Variants in ALG5 observed in about 807,000 individuals in gnomAD.
ALG5 encodes the protein ALG5 dolichyl-phosphate beta-glucosyltransferase, also known as dolichyl-phosphate beta-glucosyltransferase.
Under a neutral mutation model 51.8 loss-of-function variants are expected in ALG5, and 26 were observed. The observed-to-expected ratio is 0.50, with a 90% CI of 0.37 to 0.70. The LOEUF (loss-of-function observed/expected upper bound fraction) is 0.70. ALG5 is among the 30% of genes least tolerant of loss of function. The probability of loss-of-function intolerance (pLI) is 0.00; values close to 1 mark genes in which losing one functional copy is unlikely to be tolerated. For synonymous variants in ALG5, 141 were observed against 136.1 expected, an observed-to-expected ratio of 1.04 and a Z score of -0.25; for missense variants, 311 against 399.3, an observed-to-expected ratio of 0.78 and a Z score of 1.88.
At chr13:36,953,810 C>T (rs2138777655) in intron 8 of ALG5, among the ~76,000 whole-genome samples, 1 of 152,038 alleles carries the variant, frequency 6.6e-6, no homozygotes, top group Non-Finnish European at 1.5e-5. Context: ...AACTTTCGTC[C>T]CCTAGAATTG....
At chr13:36,967,044 G>A (rs939317426) in intron 7 of ALG5, among the ~76,000 whole-genome samples, 16 of 151,934 alleles carry the variant, frequency 1.1e-4, no homozygotes, top group Admixed American at 1.3e-4. Context: ...CCAACATGGC[G>A]AAACCCCATC....
Position 36,999,250 on chromosome 13 carries a change from G to GGCCGCCAGCGCCGCGCCGAGC in ALG5, c.30_50dup (p.Leu11_Ala17dup), listed in dbSNP as rs1451168739. ...CTGTTCTCACCAGTACGAGGGCTGC[G>GGCCGCCAGCGCCGCGCCGAGC]GCCGCCAGCGCCGCGCCGAGCACCG... is the stretch of plus-strand genomic sequence containing the variant. On this transcript the variant is annotated inframe_insertion, in exon 1 of 10. Transcript: ENST00000239891. 8 of 1,580,548 alleles carry GGCCGCCAGCGCCGCGCCGAGC rather than the reference G, an allele frequency of 5.1e-6. No individual in the cohort carries two copies. The African/African-American group carries it at 1.1e-4, about 22-fold the overall frequency.
Position 36,960,752 on chromosome 13 carries a change from C to T in ALG5, c.773+4823G>A, listed in dbSNP as rs998603164. ...CACCTCCCGGGTTCAAGTGATTCTT[C>T]TGCCTCAGTGCCCTGAGTAGCTAGG... On this transcript the variant is annotated intron_variant, in intron 8 of 9. Transcript: ENST00000239891. Among the ~76,000 whole-genome samples the T allele has an allele frequency of 4.6e-5, 7 of 150,816 alleles. No individual in the cohort carries two copies. In the East Asian group the frequency reaches 1.2e-3, roughly 25 times the overall value.
At chr13:36,973,249 A>C (rs1419704362) in intron 6 of ALG5, among the ~76,000 whole-genome samples, 1 of 152,198 alleles carries the variant, frequency 6.6e-6, no homozygotes, top group Non-Finnish European at 1.5e-5. Flanking sequence ...AGCTACAATA[A>C]TTCAAACTAA....
At chr13:36,975,382 C>T (rs2058945847) in intron 6 of ALG5, among the ~76,000 whole-genome samples, 1 of 152,190 alleles carries the variant, frequency 6.6e-6, no homozygotes, top group African/African-American at 2.4e-5. Flanking sequence ...CCCATGGTGA[C>T]ATTTAACATG....
rs1041438808 is a variant in ALG5 at position 36,949,849 on chromosome 13, G to A, written c.*93C>T. 8.4e-5 allele frequency: 55 copies of A among 652,692 alleles called. No homozygotes were observed. Among genetic ancestry groups the A allele is most frequent in the Non-Finnish European group, 1.1e-4 (44 of 406,746 alleles). 40.4% of individuals were successfully genotyped at this position (652,692 alleles called of 1,614,324 possible). ...ATTATCAAAAGGCAGACAATGACAAGAAGTTTATTTCAGCTTTACTTAAAA... is the reference window on the plus strand; with the variant it reads ...ATTATCAAAAGGCAGACAATGACAAAAAGTTTATTTCAGCTTTACTTAAAA... On this transcript the variant is annotated 3_prime_UTR_variant, in exon 10 of 10. Transcript: ENST00000239891.
At chr13:36,954,131 G>C (rs1364220969) in intron 8 of ALG5, among the ~76,000 whole-genome samples, 1 of 151,956 alleles carries the variant, frequency 6.6e-6, no homozygotes, top group Admixed American at 6.6e-5. Context: ...CTGTCATCCA[G>C]GCTGGAATGC....
intron 7 of ALG5, among the ~76,000 whole-genome samples, chr13:36,969,177 A>G (rs2058909362): frequency 6.6e-6 from 1 of 152,240 alleles, no homozygotes; most frequent in Non-Finnish European, 1.5e-5. Context: ...TCATTTAAAT[A>G]CTAGTGTATT....
At chr13:36,979,217 C>T (rs886984122) in intron 6 of ALG5, among the ~76,000 whole-genome samples, 2 of 152,066 alleles carry the variant, frequency 1.3e-5, no homozygotes, top group African/African-American at 4.8e-5. Flanking sequence ...GGGGTTTTAC[C>T]ATGTTGGCCA....
At chr13:36,977,569 A>C (rs1219265981) in intron 6 of ALG5, among the ~76,000 whole-genome samples, 1 of 151,974 alleles carries the variant, frequency 6.6e-6, no homozygotes, top group Non-Finnish European at 1.5e-5. Flanking sequence ...AGGCAGGGGA[A>C]TCGCTTGAGG....
intron 6 of ALG5, among the ~76,000 whole-genome samples, chr13:36,973,353 GA>G (rs2058935379): frequency 6.6e-6 from 1 of 152,148 alleles, no homozygotes; most frequent in African/African-American, 2.4e-5. Context: ...TGAGTACTTA[GA>G]ATATGATAAA....
chr13:36,961,535 T>A (rs934625884), intron 8 of ALG5, among the ~76,000 whole-genome samples: 1 of 152,172 alleles, frequency 6.6e-6, no homozygotes, highest in Non-Finnish European at 1.5e-5. Flanking sequence ...GTACACCATT[T>A]TATAGCAAAG....
intron 6 of ALG5, among the ~76,000 whole-genome samples, chr13:36,975,682 T>C (rs778377867): frequency 6.6e-6 from 1 of 152,334 alleles, no homozygotes; most frequent in African/African-American, 2.4e-5. Flanking sequence ...TTTGGAGTCA[T>C]AGATGTAGAA....
rs1490055700 is a variant in ALG5, at chr13:36,994,025, G to C, written c.286-353C>G. 3.9e-5 allele frequency among the ~76,000 whole-genome samples: 6 copies of C among 152,170 alleles called. No individual in the cohort carries two copies. The East Asian group carries it at 1.2e-3, about 29-fold the overall frequency. ...CTCCTGAGGTTTGAAGTCAGAGAGG[G>C]CAGATTCCAGCTTGGCTGCAGCATT... On this transcript the variant is annotated intron_variant, in intron 3 of 9. Coordinates refer to ENST00000239891, the MANE Select transcript of ALG5 (RefSeq NM_013338.5).
intron 6 of ALG5, among the ~76,000 whole-genome samples, chr13:36,977,127 T>C (rs1366882910): frequency 6.6e-6 from 1 of 152,238 alleles, no homozygotes; most frequent in Non-Finnish European, 1.5e-5. Flanking sequence ...AGAATTCTGA[T>C]GTAAGAGCTG....
At chr13:36,979,133 C>T (rs906145032) in intron 6 of ALG5, among the ~76,000 whole-genome samples, 13 of 151,950 alleles carry the variant, frequency 8.6e-5, no homozygotes, top group Admixed American at 5.9e-4. Flanking sequence ...TCTCCTGCTT[C>T]GGCCTCCTGA....
chr13:36,971,794 A>C (rs1203126015), intron 7 of ALG5, among the ~76,000 whole-genome samples, 183 bp downstream of exon 7: 43 of 152,150 alleles, frequency 2.8e-4, no homozygotes. Context: ...CTTAAAAAAA[A>C]ATCAATTCTA....
intron 6 of ALG5, among the ~76,000 whole-genome samples, chr13:36,972,714 C>G (rs933360344): frequency 6.6e-6 from 1 of 152,080 alleles, no homozygotes; most frequent in Non-Finnish European, 1.5e-5. Context: ...TGCTTCTGGC[C>G]GGGCGTGGTG....
intron 6 of ALG5, among the ~76,000 whole-genome samples, chr13:36,974,803 T>C (rs1396856085): frequency 6.6e-6 from 1 of 152,082 alleles, no homozygotes; most frequent in East Asian, 1.9e-4. Flanking sequence ...TCAATCATAG[T>C]ACCACTATGA....
Sources: gnomAD v4.1 joint callset for allele counts (sites outside exome capture counted in the v4.1 genomes callset) on GRCh38, gnomAD v4.1.1 for gene constraint, MANE v1.5 for transcripts, NCBI Gene and HGNC (gene_info 2026-07-23, HGNC 2026-07-21) for gene names.